Variants in PRORP observed in about 807,000 individuals in gnomAD.
PRORP encodes mitochondrial ribonuclease P catalytic subunit.
In PRORP, 51 loss-of-function variants were observed where a neutral mutation model predicts 59.4. The ratio of observed to expected loss-of-function variants is 0.86; its 90% CI spans 0.69 to 1.08. PRORP has a LOEUF of 1.08. PRORP is among the 50% of genes least tolerant of loss of function. The pLI, the probability that PRORP is intolerant of heterozygous loss-of-function variation, is 0.00. For missense variants in PRORP, 646 were observed against 690.3 expected, an observed-to-expected ratio of 0.94 and a Z score of 0.72; for synonymous variants, 231 against 245.6, an observed-to-expected ratio of 0.94 and a Z score of 0.55.
intron 5 of PRORP, among the ~76,000 whole-genome samples, chr14:35,193,510 A>G (rs2139095358): frequency 6.6e-6 from 1 of 152,208 alleles, no homozygotes; most frequent in Non-Finnish European, 1.5e-5. Context: ...TTTTTCTGCC[A>G]CTCAAGTTAT....
At chr14:35,178,345 T>G (rs2048508092) in intron 4 of PRORP, among the ~76,000 whole-genome samples, 1 of 152,206 alleles carries the variant, frequency 6.6e-6, no homozygotes, top group South Asian at 2.1e-4. Flanking sequence ...AGTGGAGTGT[T>G]AAAGTCTCCC....
Position 35,126,729 on chromosome 14 carries a change from T to C in PRORP, c.987-6T>C. 6.2e-7 allele frequency: 1 copy of C among 1,606,740 alleles called. No individual in the cohort carries two copies. The highest frequency in any genetic ancestry group is 8.5e-7 in the Non-Finnish European group (1 of 1,175,152). ...CTCATGATTTGGTTTTGCAATCTTT[T>C]CATAGTGTTCCTGGAAAACAATGGA... On this transcript the variant is annotated splice_region_variant and splice_polypyrimidine_tract_variant and intron_variant, in intron 2 of 7. Transcript: ENST00000534898.
intron 5 of PRORP, among the ~76,000 whole-genome samples, chr14:35,227,901 T>C (rs2049976136): frequency 1.3e-5 from 2 of 151,962 alleles, no homozygotes; most frequent in Admixed American, 1.3e-4. Context: ...TCCCAGCACT[T>C]TGGGAGGCCG....
At chr14:35,200,594 TAATAA>T (rs1429567444) in intron 5 of PRORP, among the ~76,000 whole-genome samples, 1 of 151,856 alleles carries the variant, frequency 6.6e-6, no homozygotes, top group Non-Finnish European at 1.5e-5. Flanking sequence ...TTATTTTTAT[TAATAA>T]AATAATTCTT....
chr14:35,140,408 A>G (rs2047457786), intron 4 of PRORP, among the ~76,000 whole-genome samples: 1 of 145,406 alleles, frequency 6.9e-6, no homozygotes, highest in South Asian at 2.2e-4. Flanking sequence ...GTGGTATCTC[A>G]TTGTGATTTT....
Position 35,161,078 on chromosome 14 carries a change from C to T in PRORP, c.1168-19592C>T, listed in dbSNP as rs557851047. Among the ~76,000 whole-genome samples the T allele has an allele frequency of 3.4e-4, 19 of 55,456 alleles. 1 individual carries two copies. Among genetic ancestry groups the T allele is most frequent in the Middle Eastern group, 6.9e-3 (1 of 144 alleles). The allele number at this position is 55,456 out of a possible 152,430, so 36.4% of individuals were successfully genotyped here. A position where few individuals can be genotyped will look rare whatever the true frequency, so the allele number is the denominator to read the frequency against. On this transcript the variant is annotated intron_variant, in intron 4 of 7. Coordinates refer to ENST00000534898, the MANE Select transcript of PRORP (RefSeq NM_014672.4). ...ATCTACTCTACTGCCATGTGAAGACCGGAGCCCATTTCTCAGTCAGGAACA... is the reference window on the plus strand; with the variant it reads ...ATCTACTCTACTGCCATGTGAAGACTGGAGCCCATTTCTCAGTCAGGAACA...
chr14:35,235,583 T>G (rs908381925), intron 5 of PRORP: 1 of 516,204 alleles, frequency 1.9e-6, no homozygotes, highest in African/African-American at 2.0e-5. Flanking sequence ...AGGTGGTCTT[T>G]TAGTGGGGAC....
At chr14:35,253,804 C>A (rs2050678823) in intron 5 of PRORP, among the ~76,000 whole-genome samples, 1 of 152,014 alleles carries the variant, frequency 6.6e-6, no homozygotes, top group Non-Finnish European at 1.5e-5. Context: ...CCTGGGTTTT[C>A]ATCTTTTTGG....
At chr14:35,163,550 C>T (rs1013493030) in intron 4 of PRORP, among the ~76,000 whole-genome samples, 4 of 152,018 alleles carry the variant, frequency 2.6e-5, no homozygotes, top group African/African-American at 9.7e-5. Context: ...GTTTATTAGC[C>T]ACTTGTATGC....
intron 5 of PRORP, among the ~76,000 whole-genome samples, chr14:35,188,537 T>C (rs1209035039): frequency 6.6e-6 from 1 of 152,106 alleles, no homozygotes; most frequent in South Asian, 2.1e-4. Context: ...TTATCAGATA[T>C]ATAATCTCTA....
intron 5 of PRORP, among the ~76,000 whole-genome samples, chr14:35,257,444 A>G (rs1032738964): frequency 2.6e-5 from 4 of 152,170 alleles, no homozygotes; most frequent in Admixed American, 6.5e-5. Flanking sequence ...TGTAAGTGCA[A>G]TCATTCAGTA....
At chr14:35,146,840 T>A (rs1263960137) in intron 4 of PRORP, among the ~76,000 whole-genome samples, 1 of 152,182 alleles carries the variant, frequency 6.6e-6, no homozygotes, top group Admixed American at 6.5e-5. Context: ...ACACTTGTAA[T>A]CCCAGTGCTT....
At chr14:35,148,788 G>A (rs2047670573) in intron 4 of PRORP, among the ~76,000 whole-genome samples, 1 of 152,028 alleles carries the variant, frequency 6.6e-6, no homozygotes, top group Admixed American at 6.6e-5. Context: ...AGATCTTCTG[G>A]ATAGCTTGCT....
Position 35,273,715 on chromosome 14 carries a change from T to G in PRORP, c.*149T>G, listed in dbSNP as rs969425127. The G allele has an allele frequency of 1.5e-6, 1 of 659,554 alleles. No individual in the cohort carries two copies. The highest frequency in any genetic ancestry group is 1.9e-5 in the African/African-American group (1 of 53,372). The allele number at this position is 659,554 out of a possible 1,614,324, so 40.9% of individuals were successfully genotyped here. On this transcript the variant is annotated 3_prime_UTR_variant, in exon 8 of 8. Transcript: ENST00000534898. Reference sequence around the variant, plus strand: ...CATTGACATTGATTTTTTAATGAAATGAGATATATCTTTTCATAACCAGCT... The same window carrying G: ...CATTGACATTGATTTTTTAATGAAAGGAGATATATCTTTTCATAACCAGCT...
rs140426646 is a variant in PRORP, at chr14:35,216,414, A to T, written c.1275+35637A>T. Among the ~76,000 whole-genome samples, 523 of 151,594 alleles carry T rather than the reference A, an allele frequency of 3.4e-3. 4 individuals carry two copies. The highest frequency in any genetic ancestry group is 0.012 in the African/African-American group (514 of 41,316). ...ATTCTCAACCTCCTGGGCTCAAGCA[A>T]TCCTCCCGCCTCAGCCCCCAAGTAG... On this transcript the variant is annotated intron_variant, in intron 5 of 7. Transcript: ENST00000534898.
chr14:35,259,206 T>C (rs2050835818), intron 5 of PRORP, among the ~76,000 whole-genome samples: 1 of 152,238 alleles, frequency 6.6e-6, no homozygotes, highest in Non-Finnish European at 1.5e-5. Context: ...TAACGTCTTT[T>C]GTGTCTCTGG....
intron 7 of PRORP, among the ~76,000 whole-genome samples, 195 bp from the exon 8 acceptor site, chr14:35,273,240 C>A (rs1319024315): frequency 3.9e-5 from 6 of 151,974 alleles, no homozygotes; most frequent in Non-Finnish European, 8.8e-5. Flanking sequence ...AAAAATGAGA[C>A]CCCTCAAAAA....
intron 6 of PRORP, among the ~76,000 whole-genome samples, chr14:35,267,481 A>C (rs2051069564): frequency 6.6e-6 from 1 of 152,080 alleles, no homozygotes; most frequent in South Asian, 2.1e-4. Flanking sequence ...CATCCCAAAT[A>C]ATACGAAATA....
intron 5 of PRORP, chr14:35,262,705 G>C: frequency 1.2e-6 from 1 of 820,190 alleles, no homozygotes; most frequent in South Asian, 1.3e-5. Flanking sequence ...ATGATCAAGG[G>C]TGTTACACTG....
Sources: allele counts gnomAD v4.1 joint callset (sites outside exome capture counted in the v4.1 genomes callset), GRCh38; gene constraint gnomAD v4.1.1; transcripts MANE v1.5; gene names NCBI Gene and HGNC (gene_info 2026-07-23, HGNC 2026-07-21).